MYCBP2: variants seen among roughly 807,000 people sequenced by gnomAD.
MYCBP2 encodes the protein MYC binding protein 2, also known as E3 ubiquitin-protein ligase MYCBP2.
MYCBP2 carries 120 observed loss-of-function variants against 525.3 expected under a neutral mutation model. The ratio of observed to expected loss-of-function variants is 0.23; its 90% CI spans 0.20 to 0.27. The LOEUF (loss-of-function observed/expected upper bound fraction) is 0.27, where lower values mean the gene tolerates loss of function less well. Among genes scored for constraint, MYCBP2 ranks in the 10% least tolerant of loss-of-function variants. The pLI is 1.00. For missense variants in MYCBP2, 4,149 were observed against 5,657.1 expected (o/e 0.73, Z 8.55); for synonymous variants, 1,894 against 1,955.8 (o/e 0.97, Z 0.83).
intron 37 of MYCBP2, among the ~76,000 whole-genome samples, chr13:77,173,083 G>C (rs2059297791): frequency 2.0e-5 from 3 of 152,186 alleles, no homozygotes; most frequent in Admixed American, 2.0e-4. Flanking sequence ...TCAGAAGAGA[G>C]ACCCGGAGTC....
chr13:77,186,790 T>G (rs117470816), intron 30 of MYCBP2, among the ~76,000 whole-genome samples: 15 of 147,156 alleles, frequency 1.0e-4, no homozygotes, highest in Admixed American at 1.0e-3. Context: ...TGAAAACGAG[T>G]TTATAGATTC....
chr13:77,054,827 C>T (rs933269406), intron 80 of MYCBP2, among the ~76,000 whole-genome samples: 7 of 152,028 alleles, frequency 4.6e-5, no homozygotes, highest in African/African-American at 1.7e-4. Flanking sequence ...TCTCAAACTC[C>T]AGAGCTCAAG....
At chr13:77,210,074 C>T (rs568889379) in intron 23 of MYCBP2, among the ~76,000 whole-genome samples, 1 of 152,294 alleles carries the variant, frequency 6.6e-6, no homozygotes, top group African/African-American at 2.4e-5. Context: ...GAAAGAAGTG[C>T]TCAGCCCTGT....
At chr13:77,259,279 T>G (rs1439072175) in intron 13 of MYCBP2, among the ~76,000 whole-genome samples, 2 of 151,396 alleles carry the variant, frequency 1.3e-5, no homozygotes, top group Admixed American at 6.6e-5. Flanking sequence ...AAAAAAAGTG[T>G]TGGTGCTAGG....
chr13:77,205,330 T>C lies in MYCBP2; in HGVS notation c.3769A>G (p.Ser1257Gly). ...CCAAGTAAAATATCAGTGTCGGCAC[T>C]GAAACGTATAGCTTCTACTGAATGG... ...SAHSVEAIRF[S>G]ADTDILLGGL... The change falls in exon 26 of 83, where the codon AGT (serine) becomes GGT (glycine). Residue 1257 changes from serine to glycine, a missense_variant. Transcript: ENST00000544440. 1 of 1,613,896 alleles carries C rather than the reference T, an allele frequency of 6.2e-7. No homozygotes were observed. The highest frequency in any genetic ancestry group is 8.5e-7 in the Non-Finnish European group (1 of 1,179,844).
rs186953382 is a variant in MYCBP2 at position 77,107,803 on chromosome 13, C to T, written c.8141-8790G>A. 4.3e-3 allele frequency among the ~76,000 whole-genome samples: 658 copies of T among 152,132 alleles called. 11 individuals carry two copies. The highest frequency in any genetic ancestry group is 3.6e-3 in the Non-Finnish European group (247 of 67,968). On this transcript the variant is annotated intron_variant, in intron 55 of 82. Coordinates refer to ENST00000544440, the MANE Select transcript of MYCBP2 (RefSeq NM_015057.5). Reference sequence around the variant, plus strand: ...GTAACAGTGATGATTTGTATATACTCTTAGCTATGGCAGCCATTCTTGACT... The same window carrying T: ...GTAACAGTGATGATTTGTATATACTTTTAGCTATGGCAGCCATTCTTGACT...
In MYCBP2 at chr13:77,058,031, G is replaced by A. The variant is rs929934583; in HGVS notation, c.13329+187C>T. 2.0e-5 allele frequency among the ~76,000 whole-genome samples: 3 copies of A among 151,820 alleles called. No individual in the cohort carries two copies. The highest frequency in any genetic ancestry group is 6.6e-5 in the Admixed American group (1 of 15,240). ...TTTTTTGTATTTTTGTAGTAGAGAC[G>A]GGGTCTCACTGTGTTAGCCAGGATG... On this transcript the variant is annotated intron_variant, in intron 78 of 82. Coordinates refer to ENST00000544440, the MANE Select transcript of MYCBP2 (RefSeq NM_015057.5). The surrounding 1 kb of genome is among the most constrained non-coding windows in gnomAD (Gnocchi z 4.1).
chr13:77,271,174 T>C (rs535034226), intron 5 of MYCBP2, among the ~76,000 whole-genome samples: 20 of 152,324 alleles, frequency 1.3e-4, no homozygotes, highest in African/African-American at 4.6e-4. Flanking sequence ...AATTTCAATA[T>C]CTAAGGACTT....
intron 2 of MYCBP2, among the ~76,000 whole-genome samples, chr13:77,291,633 G>A (rs945046363): frequency 2.7e-4 from 41 of 152,098 alleles, no homozygotes; most frequent in Admixed American, 2.4e-3. Context: ...CGGGCGTGGC[G>A]GTGCATGCCT....
At chr13:77,174,197 A>G in intron 37 of MYCBP2, 114 bp downstream of exon 37, 4 of 835,106 alleles carry the variant, frequency 4.8e-6, no homozygotes, top group East Asian at 2.5e-5. Flanking sequence ...ATGTGCTAAG[A>G]AGATACACTG....
intron 55 of MYCBP2, among the ~76,000 whole-genome samples, chr13:77,105,420 G>A: frequency 6.6e-6 from 1 of 151,902 alleles, no homozygotes; most frequent in East Asian, 1.9e-4. Flanking sequence ...AAAAACAAAA[G>A]TCTAAAAAAG....
intron 55 of MYCBP2, among the ~76,000 whole-genome samples, chr13:77,112,541 T>C (rs1415260965): frequency 1.3e-5 from 2 of 151,828 alleles, no homozygotes; most frequent in Non-Finnish European, 2.9e-5. Flanking sequence ...TTTGCCTGCT[T>C]CAGCCTCTCA....
Position 77,096,364 on chromosome 13 carries a change from T to A in MYCBP2, c.9902A>T (p.Asp3301Val). ...GCGGAGGTATTTTTCTCTACAGCGA[T>A]CACATACCAGATACCAAGTGCTTCC... ...IGGSTWYLVCDRCREKYLREK... is the reference protein window; with the variant it reads ...IGGSTWYLVCVRCREKYLREK... The change falls in exon 57 of 83, where the codon GAT (aspartate) becomes GTT (valine). Residue 3301 changes from aspartate to valine, a missense_variant. By Grantham distance (152) the Asp-to-Val change is radical (BLOSUM62 -3). This residue lies in a region of MYCBP2 where 509 missense variants were observed against 789.4 expected (regional missense o/e 0.64). Coordinates refer to ENST00000544440, the MANE Select transcript of MYCBP2 (RefSeq NM_015057.5). 3 of 1,613,448 alleles carry A rather than the reference T, an allele frequency of 1.9e-6. No individual in the cohort carries two copies. Among genetic ancestry groups the A allele is most frequent in the Non-Finnish European group, 2.5e-6 (3 of 1,179,616 alleles).
At chr13:77,195,649 A>G (rs555310992) in intron 26 of MYCBP2, among the ~76,000 whole-genome samples, 26 of 152,236 alleles carry the variant, frequency 1.7e-4, no homozygotes, top group African/African-American at 6.0e-4. Context: ...TACTGTATCT[A>G]TTCTCTTACT....
chr13:77,251,400 T>G, intron 14 of MYCBP2, 45 bp from the exon 15 acceptor site: 1 of 1,512,372 alleles, frequency 6.6e-7, no homozygotes, highest in Non-Finnish European at 9.2e-7. Flanking sequence ...GTTACTTTCA[T>G]GTATAAAAGA....
At chr13:77,104,192 C>T (rs997392782) in intron 55 of MYCBP2, among the ~76,000 whole-genome samples, 1 of 151,962 alleles carries the variant, frequency 6.6e-6, no homozygotes, top group Admixed American at 6.6e-5. Context: ...AGATAGTTGT[C>T]TTAGTATTAT....
At chr13:77,092,441 A>T (rs1326907424) in intron 59 of MYCBP2, 1 of 151,890 alleles carries the variant, frequency 6.6e-6, no homozygotes, top group Non-Finnish European at 1.5e-5. Flanking sequence ...AAAAAGTTTC[A>T]GTGGTACTCT....
intron 39 of MYCBP2, among the ~76,000 whole-genome samples, 154 bp from the exon 40 acceptor site, chr13:77,168,800 T>TA (rs151226181): frequency 6.6e-6 from 1 of 152,148 alleles, no homozygotes; most frequent in Non-Finnish European, 1.5e-5. Context: ...TTCAATTGAT[T>TA]AAAAAAAGAT....
intron 14 of MYCBP2, among the ~76,000 whole-genome samples, chr13:77,252,784 A>G (rs1386483375): frequency 1.3e-5 from 2 of 152,152 alleles, no homozygotes; most frequent in African/African-American, 4.8e-5. Flanking sequence ...AGCTATATCT[A>G]GGATTAGAAT....
Sources: gnomAD v4.1 joint callset for allele counts (sites outside exome capture counted in the v4.1 genomes callset) on GRCh38, gnomAD v4.1.1 for gene constraint, gnomAD v4.1.1 regional missense constraint, Gnocchi (gnomAD v3.1) non-coding constraint, MANE v1.5 for transcripts, NCBI Gene and HGNC (gene_info 2026-07-23, HGNC 2026-07-21) for gene names.